The following INPP5A variants were observed in gnomAD, a reference collection of about 807,000 sequenced individuals.
INPP5A encodes 43 kDa inositol polyphosphate 5-phophatase.
INPP5A carries 14 observed loss-of-function variants against 65.2 expected under a neutral mutation model. That is an observed-to-expected ratio of 0.21 (90% CI 0.14 to 0.34). INPP5A has a LOEUF of 0.34. Among genes scored for constraint, INPP5A ranks in the 10% least tolerant of loss-of-function variants. The probability of loss-of-function intolerance (pLI) is 1.00; values close to 1 mark genes in which losing one functional copy is unlikely to be tolerated. For missense variants in INPP5A, 431 were observed against 545.6 expected, an observed-to-expected ratio of 0.79 and a Z score of 2.09; for synonymous variants, 207 against 208.3, an observed-to-expected ratio of 0.99 and a Z score of 0.05.
rs1164381311 is a variant in INPP5A, at chr10:132,637,487, C to G, written c.118-8381C>G. ...AGGTGTTTCGGGTGTCCTTTGGGTC[C>G]CTGATCCTCCAAATGTTCCTCCTTC... On this transcript the variant is annotated intron_variant, in intron 2 of 15. Transcript: ENST00000368594. This position sits in a 1 kb window ranked among gnomAD's most constrained non-coding sequence, Gnocchi z 4.1. Among the ~76,000 whole-genome samples the G allele has an allele frequency of 6.6e-6, 1 of 151,470 alleles. No individual in the cohort carries two copies. Among genetic ancestry groups the G allele is most frequent in the Non-Finnish European group, 1.5e-5 (1 of 68,022 alleles).
intron 12 of INPP5A, among the ~76,000 whole-genome samples, chr10:132,775,195 G>A (rs1847041103): frequency 9.0e-6 from 1 of 110,654 alleles, no homozygotes; most frequent in Non-Finnish European, 2.0e-5. Flanking sequence ...AGAGGGAGGG[G>A]CAGGGAGGAG....
At chr10:132,746,784 A>C (rs1801153046) in intron 9 of INPP5A, among the ~76,000 whole-genome samples, 1 of 152,226 alleles carries the variant, frequency 6.6e-6, no homozygotes, top group African/African-American at 2.4e-5. Flanking sequence ...CTCCTTTCAA[A>C]AGAGAAGAAT....
chr10:132,680,795 G>T (rs1477690858), intron 4 of INPP5A, among the ~76,000 whole-genome samples: 1 of 152,270 alleles, frequency 6.6e-6, no homozygotes, highest in African/African-American at 2.4e-5. Context: ...TTAGCACCCG[G>T]GCCAGCAGCT....
At chr10:132,607,112 C>A (rs936219596) in intron 1 of INPP5A, among the ~76,000 whole-genome samples, 5 of 152,206 alleles carry the variant, frequency 3.3e-5, no homozygotes, top group African/African-American at 1.2e-4. Context: ...GCTGTGCTGC[C>A]CTTGGCCGGA....
intron 12 of INPP5A, among the ~76,000 whole-genome samples, chr10:132,767,820 G>T (rs2134677433): frequency 6.6e-6 from 1 of 150,916 alleles, no homozygotes; most frequent in African/African-American, 2.4e-5. Flanking sequence ...CGCGCCCAGT[G>T]GCATTCCAGA....
rs1314294286 is a variant in INPP5A, at chr10:132,764,723, G to A, written c.904-1050G>A. On this transcript the variant is annotated intron_variant, in intron 11 of 15. Coordinates refer to ENST00000368594, the MANE Select transcript of INPP5A (RefSeq NM_005539.5). ...GCTGTGGTGGGAGGGTGTGTGTGGT[G>A]ACACTCAGGAACACGGTCGGGCCAG... Among the ~76,000 whole-genome samples, 8 of 131,188 alleles carry A rather than the reference G, an allele frequency of 6.1e-5. 1 individual carries two copies. Among genetic ancestry groups the A allele is most frequent in the African/African-American group, 2.4e-4 (8 of 33,576 alleles). 86.1% of individuals were successfully genotyped at this position (131,188 alleles called of 152,430 possible).
chr10:132,684,190 T>C (rs1427427214), intron 4 of INPP5A, among the ~76,000 whole-genome samples: 2 of 152,234 alleles, frequency 1.3e-5, no homozygotes, highest in African/African-American at 4.8e-5. Context: ...TTTTCCTTGC[T>C]GTATCTGGTT....
At chr10:132,610,581 G>A (rs1205920397) in intron 2 of INPP5A, among the ~76,000 whole-genome samples, 1 of 152,234 alleles carries the variant, frequency 6.6e-6, no homozygotes, top group East Asian at 1.9e-4. Flanking sequence ...GCTCGCTGCA[G>A]GGCGCAGGTG....
chr10:132,592,357 G>A (rs1209711583), intron 1 of INPP5A, among the ~76,000 whole-genome samples: 4 of 152,214 alleles, frequency 2.6e-5, no homozygotes, highest in South Asian at 2.1e-4. Context: ...TTAAATTGGG[G>A]TCTTACTATA....
intron 1 of INPP5A, among the ~76,000 whole-genome samples, chr10:132,569,608 C>T (rs1205434800): frequency 1.3e-5 from 2 of 152,128 alleles, no homozygotes; most frequent in South Asian, 2.1e-4. Context: ...TTCTCTGCCT[C>T]AGCCTCCCAA....
intron 9 of INPP5A, 131 bp from the exon 10 acceptor site, chr10:132,749,386 G>A (rs531647245): frequency 2.1e-5 from 16 of 775,996 alleles, no homozygotes; most frequent in East Asian, 1.6e-4. Flanking sequence ...CCCCAGGTGC[G>A]GAAATCTGGG....
rs900915655 is a variant in INPP5A at position 132,547,942 on chromosome 10, C to G, written c.75+9771C>G. ...TTTTTAAGATGGACACTCCATCACC[C>G]AGGCTGGAGTACAATGGCGTGATCT... On this transcript the variant is annotated intron_variant, in intron 1 of 15. Transcript: ENST00000368594. This position sits in a 1 kb window ranked among gnomAD's most constrained non-coding sequence, Gnocchi z 5.5. 2.0e-5 allele frequency among the ~76,000 whole-genome samples: 3 copies of G among 151,860 alleles called. No individual in the cohort carries two copies. Among genetic ancestry groups the G allele is most frequent in the African/African-American group, 7.3e-5 (3 of 41,326 alleles).
chr10:132,581,164 T>C (rs763635788), intron 1 of INPP5A, among the ~76,000 whole-genome samples: 27 of 152,222 alleles, frequency 1.8e-4, no homozygotes, highest in Non-Finnish European at 3.1e-4. Context: ...ATTTTTGAGA[T>C]GGGTCCATAT....
At chr10:132,657,221 G>T (rs569220097) in intron 4 of INPP5A, among the ~76,000 whole-genome samples, 2 of 152,230 alleles carry the variant, frequency 1.3e-5, no homozygotes, top group Admixed American at 6.5e-5. Flanking sequence ...GCACGTGGCC[G>T]CTGGTCACCA....
At position 132,663,945 on chromosome 10, in the gene INPP5A, G is replaced by A. The variant is rs556280967; in HGVS notation, c.306+13440G>A. On this transcript the variant is annotated intron_variant, in intron 4 of 15. Coordinates refer to ENST00000368594, the MANE Select transcript of INPP5A (RefSeq NM_005539.5). This position sits in a 1 kb window ranked among gnomAD's most constrained non-coding sequence, Gnocchi z 4.5. ...CCGATCCATCAGGCGGCCGACAGGC[G>A]TGATCGAGTGCCGTGTCACACGCAG... is the stretch of plus-strand genomic sequence containing the variant. Among the ~76,000 whole-genome samples the A allele has an allele frequency of 7.2e-5, 11 of 152,382 alleles. No individual in the cohort carries two copies. The highest frequency in any genetic ancestry group is 1.2e-4 in the African/African-American group (5 of 41,590).
At chr10:132,621,521 G>A (rs1200927568) in intron 2 of INPP5A, among the ~76,000 whole-genome samples, 1 of 152,112 alleles carries the variant, frequency 6.6e-6, no homozygotes, top group African/African-American at 2.4e-5. Flanking sequence ...AGGGGAGGGG[G>A]CTTTCAGGTC....
At chr10:132,743,016 T>C (rs1238099852) in intron 9 of INPP5A, among the ~76,000 whole-genome samples, 1 of 152,224 alleles carries the variant, frequency 6.6e-6, no homozygotes, top group African/African-American at 2.4e-5. Flanking sequence ...GATTTCATGC[T>C]ATCAGAGGTC....
Position 132,655,533 on chromosome 10 carries a change from C to T in INPP5A, c.306+5028C>T, listed in dbSNP as rs191411024. 2.8e-3 allele frequency among the ~76,000 whole-genome samples: 429 copies of T among 152,358 alleles called. 2 individuals carry two copies. Among genetic ancestry groups the T allele is most frequent in the African/African-American group, 9.9e-3 (410 of 41,588 alleles). On this transcript the variant is annotated intron_variant, in intron 4 of 15. Transcript: ENST00000368594. ...AACACATCAGTCAGCGCCCAGAGAG[C>T]CGACGTCGGCCAGAGGACGCAGGGT... is the stretch of plus-strand genomic sequence containing the variant.
In INPP5A at chr10:132,607,955, A is replaced by T. The variant is rs550193976; in HGVS notation, c.116A>T (p.Gln39Leu). ...AAGAACTGGCTTCGGGAATTTTACC[A>T]GGTAAGAACCACTGAAACGTGTTCT... ...LQKNWLREFY[Q>L]VVHTHKPHFM... The change falls in exon 2 of 16, where the codon CAG (glutamine) becomes CTG (leucine). Residue 39 changes from glutamine to leucine, a missense_variant and splice_region_variant. By Grantham distance (113) the Gln-to-Leu change is moderately radical. Coordinates refer to ENST00000368594, the MANE Select transcript of INPP5A (RefSeq NM_005539.5). 15 of 1,612,190 alleles carry T rather than the reference A, an allele frequency of 9.3e-6. No homozygotes were observed. The highest frequency in any genetic ancestry group is 1.3e-5 in the Non-Finnish European group (15 of 1,179,812).
Sources: gnomAD v4.1 joint callset for allele counts (sites outside exome capture counted in the v4.1 genomes callset) on GRCh38, gnomAD v4.1.1 for gene constraint, Gnocchi (gnomAD v3.1) non-coding constraint, MANE v1.5 for transcripts, NCBI Gene and HGNC (gene_info 2026-07-23, HGNC 2026-07-21) for gene names.